The following PDE4D variants were observed in gnomAD, a reference collection of about 807,000 sequenced individuals.
PDE4D encodes 3',5'-cyclic-AMP phosphodiesterase 4D.
In PDE4D, 24 loss-of-function variants were observed where a neutral mutation model predicts 87.4. The observed-to-expected ratio is 0.27, with a 90% CI of 0.20 to 0.39. The LOEUF (loss-of-function observed/expected upper bound fraction) is 0.39, where lower values mean the gene tolerates loss of function less well. Ranked by LOEUF, PDE4D falls within the 10% of genes least tolerant of loss-of-function variation. PDE4D has a pLI of 1.00. For synonymous variants in PDE4D, 384 were observed against 383.2 expected (o/e 1.00, Z -0.02); for missense variants, 714 against 1,041.0 (o/e 0.69, Z 4.32).
intron 5 of PDE4D, among the ~76,000 whole-genome samples, chr5:59,093,831 C>T (rs1389274380): frequency 6.6e-6 from 1 of 152,080 alleles, no homozygotes; most frequent in Non-Finnish European, 1.5e-5. Context: ...AAGAAATCTA[C>T]AGGAAAGAGA....
chr5:59,014,429 G>T (rs10155628), intron 6 of PDE4D, among the ~76,000 whole-genome samples: 15,337 of 152,172 alleles, frequency 0.1, 1,040 homozygotes, highest in Non-Finnish European at 0.13. Context: ...TCCTTAAGCT[G>T]ATAAACAACT....
At chr5:59,580,921 T>C (rs1171545179) in intron 1 of PDE4D, among the ~76,000 whole-genome samples, 26 of 152,188 alleles carry the variant, frequency 1.7e-4, no homozygotes, top group Admixed American at 1.6e-3. Context: ...AGCCTGATTA[T>C]GTAGACTCTA....
intron 1 of PDE4D, among the ~76,000 whole-genome samples, chr5:59,510,295 AACTT>A (rs1289819721): frequency 6.6e-6 from 1 of 151,562 alleles, no homozygotes; most frequent in Non-Finnish European, 1.5e-5. Context: ...TGCACAAAGC[AACTT>A]ACTTAGAAAA....
upstream of PDE4D, among the ~76,000 whole-genome samples, chr5:59,898,055 G>T (rs1254326282): frequency 2.0e-5 from 3 of 152,110 alleles, no homozygotes; most frequent in African/African-American, 7.2e-5. Flanking sequence ...AGTATATTAG[G>T]CTGCTTTTCA....
At chr5:59,303,381 C>T (rs1770653177) in intron 1 of PDE4D, among the ~76,000 whole-genome samples, 1 of 152,150 alleles carries the variant, frequency 6.6e-6, no homozygotes, top group Non-Finnish European at 1.5e-5. Context: ...CCTGCAAAAG[C>T]TCGTAAAGTT....
chr5:60,135,345 T>C (rs1343889521), intron 2 of PDE4D, among the ~76,000 whole-genome samples: 1 of 152,234 alleles, frequency 6.6e-6, no homozygotes, highest in Non-Finnish European at 1.5e-5. Context: ...TATTTTGTTA[T>C]AACAGCCAGA....
chr5:59,367,417 C>T (rs1423006812), intron 1 of PDE4D, among the ~76,000 whole-genome samples: 1 of 151,932 alleles, frequency 6.6e-6, no homozygotes, highest in African/African-American at 2.4e-5. Context: ...ATATTTTCTA[C>T]AATAAATAAA....
intron 2 of PDE4D, chr5:60,147,880 T>C (rs1009771882): frequency 2.3e-5 from 10 of 432,100 alleles, no homozygotes; most frequent in South Asian, 3.3e-5. Context: ...GAGTGAGTGA[T>C]TGGAGAAAGA....
intron 1 of PDE4D, among the ~76,000 whole-genome samples, chr5:59,693,954 C>CT (rs1211452863): frequency 6.6e-6 from 1 of 151,874 alleles, no homozygotes; most frequent in East Asian, 1.9e-4. Flanking sequence ...AGGTTGATGC[C>CT]TTAAGGGCTA....
intron 1 of PDE4D, among the ~76,000 whole-genome samples, chr5:59,817,173 G>T (rs138076762): frequency 6.6e-6 from 1 of 152,226 alleles, no homozygotes; most frequent in Non-Finnish European, 1.5e-5. Context: ...ACGTGAATGT[G>T]CTCAGTAGCT....
Position 58,970,063 on chromosome 5 carries a change from G to A in PDE4D, c.*4601C>T, listed in dbSNP as rs1002025314. On this transcript the variant is annotated 3_prime_UTR_variant, in exon 15 of 15. Coordinates refer to ENST00000340635, the MANE Select transcript of PDE4D (RefSeq NM_001104631.2). ...TAATCTTTTATTTGTAAAAGATTGAGTCATAAATAGGCAGAATCAACCCAT... is the reference window on the plus strand; with the variant it reads ...TAATCTTTTATTTGTAAAAGATTGAATCATAAATAGGCAGAATCAACCCAT... The A allele has an allele frequency of 3.9e-5, 6 of 152,060 alleles. No individual in the cohort carries two copies. In the East Asian group the frequency reaches 1.2e-3, roughly 29 times the overall value. 9.4% of individuals were successfully genotyped at this position (152,060 alleles called of 1,614,324 possible). A position where few individuals can be genotyped will look rare whatever the true frequency, so the allele number is the denominator to read the frequency against.
At chr5:60,028,820 A>G (rs539423329) in intron 2 of PDE4D, among the ~76,000 whole-genome samples, 6 of 152,292 alleles carry the variant, frequency 3.9e-5, no homozygotes, top group African/African-American at 1.4e-4. Flanking sequence ...TAGGCACTCA[A>G]TACATATTGA....
chr5:59,328,491 A>G (rs535153964), intron 1 of PDE4D, among the ~76,000 whole-genome samples: 52 of 152,320 alleles, frequency 3.4e-4, no homozygotes, highest in African/African-American at 1.1e-3. Flanking sequence ...ACATATACAT[A>G]TCAGAGGTTG....
intron 1 of PDE4D, among the ~76,000 whole-genome samples, chr5:59,322,744 C>T (rs548058095): frequency 6.6e-6 from 1 of 152,082 alleles, no homozygotes; most frequent in East Asian, 1.9e-4. Flanking sequence ...TGAGGCCTTA[C>T]AAAGTATTGA....
At chr5:59,219,896 A>G (rs1390689154) in intron 1 of PDE4D, among the ~76,000 whole-genome samples, 1 of 152,160 alleles carries the variant, frequency 6.6e-6, no homozygotes, top group Non-Finnish European at 1.5e-5. Context: ...ATCCAGCAAA[A>G]GTGAAGCCAC....
intron 1 of PDE4D, among the ~76,000 whole-genome samples, chr5:60,297,023 T>C (rs944548198): frequency 1.3e-5 from 2 of 152,122 alleles, no homozygotes; most frequent in African/African-American, 4.8e-5. Flanking sequence ...CAAACCACCA[T>C]GGCACATGTA....
At chr5:59,013,066 A>T (rs1012547660) in intron 6 of PDE4D, among the ~76,000 whole-genome samples, 4 of 152,254 alleles carry the variant, frequency 2.6e-5, no homozygotes, top group African/African-American at 4.8e-5. Flanking sequence ...ACATAATGCG[A>T]TGAAGGCAGA....
chr5:60,306,973 G>A (rs183738511), intron 1 of PDE4D, among the ~76,000 whole-genome samples: 89 of 152,064 alleles, frequency 5.9e-4, no homozygotes, highest in African/African-American at 1.9e-3. Flanking sequence ...ATTATATTAC[G>A]TTGTTGCAAA....
chr5:60,199,549 G>A (rs796477315), intron 1 of PDE4D, among the ~76,000 whole-genome samples: 2 of 151,788 alleles, frequency 1.3e-5, no homozygotes, highest in African/African-American at 2.4e-5. Context: ...GATCGGCTAC[G>A]CTTTAATCAT....
Sources: allele counts gnomAD v4.1 joint callset (sites outside exome capture counted in the v4.1 genomes callset), GRCh38; gene constraint gnomAD v4.1.1; transcripts MANE v1.5; gene names NCBI Gene and HGNC (gene_info 2026-07-23, HGNC 2026-07-21).